MN1: variants seen among roughly 807,000 people sequenced by gnomAD.
MN1 encodes MN1 proto-oncogene, transcriptional regulator, also known as transcriptional activator MN1.
Under a neutral mutation model 86.9 loss-of-function variants are expected in MN1, and 19 were observed. The ratio of observed to expected loss-of-function variants is 0.22; its 90% CI spans 0.15 to 0.32. The LOEUF (loss-of-function observed/expected upper bound fraction) is 0.32. MN1 is among the 10% of genes least tolerant of loss of function. MN1 has a pLI of 1.00. For synonymous variants in MN1, 928 were observed against 849.6 expected, an observed-to-expected ratio of 1.09 and a Z score of -1.60; for missense variants, 1,841 against 1,862.0, an observed-to-expected ratio of 0.99 and a Z score of 0.21.
At chr22:27,754,405 C>T (rs1362278756) in intron 1 of MN1, among the ~76,000 whole-genome samples, 2 of 152,194 alleles carry the variant, frequency 1.3e-5, no homozygotes, top group Non-Finnish European at 2.9e-5. Context: ...TTCTCCCCAC[C>T]CCAGCAGGGC....
At chr22:27,796,291 G>A (rs1933293629) in intron 1 of MN1, among the ~76,000 whole-genome samples, 3 of 152,236 alleles carry the variant, frequency 2.0e-5, no homozygotes, top group African/African-American at 2.4e-5. Context: ...AAGAACTAGC[G>A]CTAGAGGCTG....
At position 27,799,765 on chromosome 22, in the gene MN1, G is replaced by A. The variant is rs143732344; in HGVS notation, c.779C>T (p.Ala260Val). The change falls in exon 1 of 2, where the codon GCA becomes GTA. Residue 260 changes from alanine (A) to valine (V), a missense_variant. Coordinates refer to ENST00000302326, the MANE Select transcript of MN1 (RefSeq NM_002430.3). Reference sequence around the variant, plus strand: ...GCCCCCAGGAACCTGGCGACCCGCTGCATAATGAGGCAGCTGCCCTTCGGA... The same window carrying A: ...GCCCCCAGGAACCTGGCGACCCGCTACATAATGAGGCAGCTGCCCTTCGGA... ...SDSEGQLPHY[A>V]AGRQVPGGAF... is the part of the protein sequence containing the mutation. 6.4e-5 allele frequency: 102 copies of A among 1,593,614 alleles called. No homozygotes were observed. The Middle Eastern group carries it at 8.5e-4, about 13-fold the overall frequency.
chr22:27,781,062 C>G (rs965934674), intron 1 of MN1, among the ~76,000 whole-genome samples: 1 of 152,182 alleles, frequency 6.6e-6, no homozygotes, highest in Non-Finnish European at 1.5e-5. Context: ...TCCCAGGTAG[C>G]TGGGACTACA....
In MN1 at chr22:27,798,101, A is replaced by C; in HGVS notation, c.2443T>G (p.Ser815Ala). 6.2e-7 allele frequency: 1 copy of C among 1,611,088 alleles called. No homozygotes were observed. Residue 815 changes from serine (S) to alanine (A), a missense_variant, in exon 1 of 2, where the codon TCC (serine) becomes GCC (alanine). Coordinates refer to ENST00000302326, the MANE Select transcript of MN1 (RefSeq NM_002430.3). ...LSLGSFNKPS[S>A]KDNLFGQSCL... ...CTCTGGCCGAACAGGTTGTCCTTGG[A>C]GCTGGGCTTGTTGAAGGAGCCCAGC...
intron 1 of MN1, among the ~76,000 whole-genome samples, chr22:27,789,953 C>A (rs989247206): frequency 6.6e-6 from 1 of 152,186 alleles, no homozygotes; most frequent in Non-Finnish European, 1.5e-5. Context: ...GGTGCCAGTC[C>A]AATATGGTCT....
At chr22:27,788,578 G>A (rs981428343) in intron 1 of MN1, among the ~76,000 whole-genome samples, 4 of 150,942 alleles carry the variant, frequency 2.7e-5, no homozygotes, top group South Asian at 2.1e-4. Context: ...ATCCAAGGGC[G>A]TCTGAAAACA....
chr22:27,788,230 C>G (rs1330124028), intron 1 of MN1, among the ~76,000 whole-genome samples: 1 of 152,160 alleles, frequency 6.6e-6, no homozygotes, highest in Non-Finnish European at 1.5e-5. Context: ...TACGCCGCAC[C>G]CCAATTTCCA....
chr22:27,786,723 C>T (rs1933138584), intron 1 of MN1, among the ~76,000 whole-genome samples: 1 of 152,044 alleles, frequency 6.6e-6, no homozygotes, highest in Admixed American at 6.5e-5. Context: ...TCCTCCTGGA[C>T]GAGTGATGGT....
In MN1 at chr22:27,799,552, A is replaced by C. The variant is rs1483168206; in HGVS notation, c.992T>G (p.Val331Gly). 6.8e-7 allele frequency: 1 copy of C among 1,468,308 alleles called. No individual in the cohort carries two copies. The highest frequency in any genetic ancestry group is 1.4e-5 in the African/African-American group (1 of 70,056). 91.0% of individuals were successfully genotyped at this position (1,468,308 alleles called of 1,614,324 possible). ...RKMPVGLEPS[V>G]GSRHPLMQPP... is the part of the protein sequence containing the mutation. ...CTGCATTAACGGGTGCCTGGAGCCCACTGAGGGCTCCAGACCCACAGGCAT... is the reference window on the plus strand; with the variant it reads ...CTGCATTAACGGGTGCCTGGAGCCCCCTGAGGGCTCCAGACCCACAGGCAT... Residue 331 changes from valine (V) to glycine (G), a missense_variant, in exon 1 of 2, where the codon GTG becomes GGG. Physicochemically the swap from Val to Gly is moderately radical, Grantham distance 109. Coordinates refer to ENST00000302326, the MANE Select transcript of MN1 (RefSeq NM_002430.3).
In MN1 at chr22:27,799,320, C is replaced by T; in HGVS notation, c.1224G>A (p.Glu408=). The T allele has an allele frequency of 6.3e-7, 1 of 1,594,076 alleles. No homozygotes were observed. The highest frequency in any genetic ancestry group is 8.5e-7 in the Non-Finnish European group (1 of 1,171,580). Residue 408 remains glutamate, a synonymous_variant, in exon 1 of 2, where the codon GAG becomes GAA. Coordinates refer to ENST00000302326, the MANE Select transcript of MN1 (RefSeq NM_002430.3). ...GGTTCTCCAGCCGGTGGATGGGATA[C>T]TCGAATTGCGCGTGCTGGCTGGGCA... is the stretch of plus-strand genomic sequence containing the variant. ...PMLPSQHAQF[E]YPIHRLENRS...
Position 27,800,240 on chromosome 22 carries a change from G to C in MN1, c.304C>G (p.Pro102Ala), listed in dbSNP as rs1933407785. Reference sequence around the variant, plus strand: ...TGCTGGTGGGGATGATGACTTCCCGGGTGGCCGTGGTGAGGCTGCTGGCCG... The same window carrying C: ...TGCTGGTGGGGATGATGACTTCCCGCGTGGCCGTGGTGAGGCTGCTGGCCG... Reference protein sequence around the residue: ...FGGQQPHHGHPGSHHPHQHHP... With the variant: ...FGGQQPHHGHAGSHHPHQHHP... Residue 102 changes from proline to alanine, a missense_variant, in exon 1 of 2, where the codon CCG becomes GCG. Transcript: ENST00000302326. The C allele has an allele frequency of 1.3e-6, 2 of 1,583,862 alleles. No homozygotes were observed. Among genetic ancestry groups the C allele is most frequent in the Non-Finnish European group, 1.7e-6 (2 of 1,166,064 alleles).
chr22:27,755,022 C>A (rs559897893), intron 1 of MN1, among the ~76,000 whole-genome samples: 207 of 152,296 alleles, frequency 1.4e-3, no homozygotes, highest in Middle Eastern at 6.8e-3. Flanking sequence ...GACTGTGAAG[C>A]GCCCTTCATC....
rs1403298199 is a variant in MN1 at position 27,796,916 on chromosome 22, C to A, written c.3628G>T (p.Ala1210Ser). 3.1e-6 allele frequency: 5 copies of A among 1,612,738 alleles called. No homozygotes were observed. In the East Asian group the frequency reaches 6.7e-5, roughly 22 times the overall value. The change falls in exon 1 of 2, where the codon GCC becomes TCC. Residue 1210 changes from alanine (A) to serine (S), a missense_variant. Ala to Ser is a moderately conservative substitution (Grantham distance 99, BLOSUM62 1). Transcript: ENST00000302326. Reference sequence around the variant, plus strand: ...GAGTCCAGGTCAATGGTGCTCATGGCGCTCTTGACCGCCTCGGAGCAGCAG... The same window carrying A: ...GAGTCCAGGTCAATGGTGCTCATGGAGCTCTTGACCGCCTCGGAGCAGCAG... ...GSCCSEAVKS[A>S]MSTIDLDSLM...
chr22:27,794,505 G>A (rs540282818), intron 1 of MN1, among the ~76,000 whole-genome samples: 54 of 152,340 alleles, frequency 3.5e-4, no homozygotes, highest in Middle Eastern at 3.4e-3. Context: ...CCCGCATGCA[G>A]GGGAGGGCTT....
In MN1 at chr22:27,799,428, A is replaced by G; in HGVS notation, c.1116T>C (p.Asn372=). 6.8e-7 allele frequency: 1 copy of G among 1,473,066 alleles called. No individual in the cohort carries two copies. Among genetic ancestry groups the G allele is most frequent in the South Asian group, 1.4e-5 (1 of 71,364 alleles). The allele number at this position is 1,473,066 out of a possible 1,614,324, so 91.2% of individuals were successfully genotyped here. Residue 372 remains asparagine, a synonymous_variant, in exon 1 of 2, where the codon AAT becomes AAC. Coordinates refer to ENST00000302326, the MANE Select transcript of MN1 (RefSeq NM_002430.3). ...PPPPGLLVRQ[N]SCPPALPRPQ... is the part of the protein sequence containing the mutation. ...GCCGAGGGAGCGCAGGCGGGCACGA[A>G]TTTTGTCGGACTAGAAGCCCGGGTG... is the stretch of plus-strand genomic sequence containing the variant.
At position 27,796,824 on chromosome 22, in the gene MN1, G is replaced by C. The variant is rs766399231; in HGVS notation, c.3720C>G (p.Asp1240Glu). ...PADKALVDSA[D>E]DDKTLAPWEK... ...CCCAGGGCGCCAACGTCTTGTCGTC[G>C]TCCGCGCTGTCCACCAGGGCCTTGT... Residue 1240 changes from aspartate to glutamate, a missense_variant, in exon 1 of 2, where the codon GAC (aspartate) becomes GAG (glutamate). Transcript: ENST00000302326. 3 of 1,611,592 alleles carry C rather than the reference G, an allele frequency of 1.9e-6. No homozygotes were observed. The highest frequency in any genetic ancestry group is 1.7e-6 in the Non-Finnish European group (2 of 1,179,912).
At chr22:27,768,605 G>A (rs1320458409) in intron 1 of MN1, among the ~76,000 whole-genome samples, 2 of 152,144 alleles carry the variant, frequency 1.3e-5, no homozygotes, top group Non-Finnish European at 2.9e-5. Flanking sequence ...TGTCCAACAT[G>A]GTAGCCACTA....
intron 1 of MN1, among the ~76,000 whole-genome samples, chr22:27,779,175 C>G (rs1490488802): frequency 1.3e-5 from 2 of 152,140 alleles, no homozygotes; most frequent in African/African-American, 4.8e-5. Context: ...GTCCTCACCC[C>G]CTAGGCCTGG....
chr22:27,789,091 G>T (rs1021194719), intron 1 of MN1, among the ~76,000 whole-genome samples: 1 of 152,190 alleles, frequency 6.6e-6, no homozygotes, highest in African/African-American at 2.4e-5. Flanking sequence ...AAACAAAGCT[G>T]CAAGGGTGCC....
Sources: gnomAD v4.1 joint callset for allele counts (sites outside exome capture counted in the v4.1 genomes callset) on GRCh38, gnomAD v4.1.1 for gene constraint, MANE v1.5 for transcripts, NCBI Gene and HGNC (gene_info 2026-07-23, HGNC 2026-07-21) for gene names.